DUSP15: variants seen among roughly 807,000 people sequenced by gnomAD.
DUSP15 encodes the protein dual specificity phosphatase 15, also known as dual specificity protein phosphatase 15.
DUSP15 carries 23 observed loss-of-function variants against 26.3 expected under a neutral mutation model. The ratio of observed to expected loss-of-function variants is 0.87; its 90% CI spans 0.63 to 1.24. The LOEUF (loss-of-function observed/expected upper bound fraction) is 1.24, where lower values mean the gene tolerates loss of function less well. Among genes scored for constraint, DUSP15 ranks in the 50% most tolerant of loss-of-function variants. The pLI, the probability that DUSP15 is intolerant of heterozygous loss-of-function variation, is 0.00. For missense variants in DUSP15, 364 were observed against 320.6 expected, an observed-to-expected ratio of 1.14 and a Z score of -1.03; for synonymous variants, 143 against 135.5, an observed-to-expected ratio of 1.06 and a Z score of -0.39.
chr20:31,862,395 T>C (rs2062679522), intron 6 of DUSP15, among the ~76,000 whole-genome samples, 176 bp downstream of exon 6: 1 of 152,148 alleles, frequency 6.6e-6, no homozygotes. Flanking sequence ...AGAAAACACC[T>C]GGCTGTCTAA....
chr20:31,851,382 A>T (rs2062467812), intron 6 of DUSP15, among the ~76,000 whole-genome samples: 1 of 151,748 alleles, frequency 6.6e-6, no homozygotes, highest in Non-Finnish European at 1.5e-5. Flanking sequence ...AGGGAGACAG[A>T]GCTGATGGGA....
downstream of DUSP15, among the ~76,000 whole-genome samples, chr20:31,860,579 G>A (rs1216692564): frequency 6.6e-6 from 1 of 152,202 alleles, no homozygotes; most frequent in African/African-American, 2.4e-5. Flanking sequence ...CTAAGCTAGC[G>A]TCCAGCTTTC....
At chr20:31,864,597 G>T in intron 4 of DUSP15, 1 of 403,918 alleles carries the variant, frequency 2.5e-6, no homozygotes, top group Non-Finnish European at 3.3e-6. Flanking sequence ...TTTGTTCAAG[G>T]TCACACAGCA....
intron 3 of DUSP15, among the ~76,000 whole-genome samples, chr20:31,866,311 G>A (rs1420410180): frequency 6.6e-6 from 1 of 152,146 alleles, no homozygotes; most frequent in Non-Finnish European, 1.5e-5. Flanking sequence ...ATTTGTTATA[G>A]TATCAGTTGT....
chr20:31,849,831 G>C, exon 8 of DUSP15: 1 of 1,527,284 alleles, frequency 6.5e-7, no homozygotes, highest in Non-Finnish European at 8.7e-7. Flanking sequence ...GTGGCTTCGC[G>C]CACCAGCGCT....
Position 31,867,631 on chromosome 20 carries a change from G to GTTTTTTTTT in DUSP15, c.56-487_56-479dup, listed in dbSNP as rs57662463. On this transcript the variant is annotated intron_variant, in intron 2 of 6. Transcript: ENST00000339738. ...GCTGATGTGCAATGATGCCCACAATGTTTTTTTTTTTTTTTTTTTTTTTTT... is the reference window on the plus strand; with the variant it reads ...GCTGATGTGCAATGATGCCCACAATGTTTTTTTTTTTTTTTTTTTTTTTTTTTTTTTTTT... Among the ~76,000 whole-genome samples, 20 of 77,640 alleles carry GTTTTTTTTT rather than the reference G, an allele frequency of 2.6e-4. 1 individual carries two copies. Among genetic ancestry groups the GTTTTTTTTT allele is most frequent in the East Asian group, 2.6e-3 (6 of 2,336 alleles). The allele number at this position is 77,640 out of a possible 152,430, so 50.9% of individuals were successfully genotyped here.
chr20:31,855,801 A>T (rs1014662650), intron 6 of DUSP15, among the ~76,000 whole-genome samples: 1 of 152,206 alleles, frequency 6.6e-6, no homozygotes, highest in Non-Finnish European at 1.5e-5. Flanking sequence ...CTCACACCAG[A>T]CACTTAAAAT....
At position 31,865,757 on chromosome 20, in the gene DUSP15, G is replaced by T. The variant is rs572789760; in HGVS notation, c.139-755C>A. Among the ~76,000 whole-genome samples the T allele has an allele frequency of 1.4e-3, 216 of 152,174 alleles. 1 individual carries two copies. The highest frequency in any genetic ancestry group is 4.8e-3 in the African/African-American group (200 of 41,504). ...AAGGTCATGACATCCTGCATCTTTGGCAAGGTTTGCAATTTCACTTTGCAA... is the reference window on the plus strand; with the variant it reads ...AAGGTCATGACATCCTGCATCTTTGTCAAGGTTTGCAATTTCACTTTGCAA... On this transcript the variant is annotated intron_variant, in intron 3 of 6. Transcript: ENST00000339738.
chr20:31,866,148 C>T (rs2062760019), intron 3 of DUSP15, among the ~76,000 whole-genome samples: 1 of 152,120 alleles, frequency 6.6e-6, no homozygotes, highest in African/African-American at 2.4e-5. Flanking sequence ...GGACCTTGGC[C>T]AAGATCACAC....
chr20:31,866,222 T>A (rs1237659150), intron 3 of DUSP15, among the ~76,000 whole-genome samples: 4 of 152,202 alleles, frequency 2.6e-5, no homozygotes, highest in African/African-American at 4.8e-5. Context: ...CACCCATGGT[T>A]CTTTCTCTCC....
chr20:31,846,440 A>AAGAGAGAGAGAGAGAG (rs1385705408), downstream of DUSP15, among the ~76,000 whole-genome samples: 7 of 95,328 alleles, frequency 7.3e-5, no homozygotes, highest in African/African-American at 3.6e-4. Context: ...GAAAGGAATG[A>AAGAGAGAGAGAGAGAG]ATAGAGAGAG....
downstream of DUSP15, among the ~76,000 whole-genome samples, chr20:31,856,744 T>C (rs542010667): frequency 2.6e-5 from 4 of 152,044 alleles, no homozygotes; most frequent in East Asian, 7.8e-4. Flanking sequence ...GGCTTGGGGT[T>C]CAGAGGAAGA....
intron 7 of DUSP15, among the ~76,000 whole-genome samples, chr20:31,850,088 T>C (rs2062442577): frequency 6.6e-6 from 1 of 152,250 alleles, no homozygotes; most frequent in Admixed American, 6.5e-5. Flanking sequence ...ATAGTCGAGC[T>C]CTGCGGTTAA....
downstream of DUSP15, chr20:31,861,059 G>A (rs1641755246): frequency 9.0e-7 from 1 of 1,111,848 alleles, no homozygotes; most frequent in Non-Finnish European, 1.1e-6. Flanking sequence ...ATGACTGGGA[G>A]GCACTCGGAC....
intron 2 of DUSP15, 74 bp downstream of exon 2, chr20:31,869,490 A>C: frequency 6.4e-7 from 1 of 1,561,422 alleles, no homozygotes; most frequent in Non-Finnish European, 8.7e-7. Context: ...TGCATGGGCC[A>C]GGGCATGAAT....
chr20:31,848,564 A>T (rs1243469065), exon 10 of DUSP15: 1 of 1,568,378 alleles, frequency 6.4e-7, no homozygotes, highest in Non-Finnish European at 8.6e-7. Context: ...CTGCACCTGC[A>T]CCTGCGGGGG....
At chr20:31,869,904 G>T (rs1030442084) in intron 1 of DUSP15, 1 of 1,366,216 alleles carries the variant, frequency 7.3e-7, no homozygotes, top group Admixed American at 3.1e-5. Context: ...GACTTGCAGG[G>T]TGCAGGGATG....
At chr20:31,864,191 G>A in intron 4 of DUSP15, 3 of 1,370,160 alleles carry the variant, frequency 2.2e-6, no homozygotes, top group Non-Finnish European at 2.8e-6. Flanking sequence ...GGCAGTGAGA[G>A]AGACCAGTCA....
chr20:31,866,544 C>T (rs1188845649), intron 3 of DUSP15, among the ~76,000 whole-genome samples: 1 of 152,222 alleles, frequency 6.6e-6, no homozygotes, highest in African/African-American at 2.4e-5. Context: ...ATGCCCCTTT[C>T]CCAGGACTTG....
Sources: gnomAD v4.1 joint callset for allele counts (sites outside exome capture counted in the v4.1 genomes callset) on GRCh38, gnomAD v4.1.1 for gene constraint, MANE v1.5 for transcripts, NCBI Gene and HGNC (gene_info 2026-07-23, HGNC 2026-07-21) for gene names.